Variants in COMMD8 observed in about 807,000 individuals in gnomAD.
COMMD8 encodes COMM domain containing 8.
In COMMD8, 28 loss-of-function variants were observed where a neutral mutation model predicts 27.2. The observed-to-expected ratio is 1.03, with a 90% CI of 0.76 to 1.41. COMMD8 has a LOEUF of 1.41. Ranked by LOEUF, COMMD8 falls within the 40% of genes most tolerant of loss-of-function variation. COMMD8 has a pLI of 0.00. For missense variants in COMMD8, 217 were observed against 211.2 expected (o/e 1.03, Z -0.17); for synonymous variants, 79 against 75.5 (o/e 1.05, Z -0.24).
At chr4:47,456,006 T>C (rs1729876395) in intron 3 of COMMD8, among the ~76,000 whole-genome samples, 2 of 152,044 alleles carry the variant, frequency 1.3e-5, no homozygotes, top group African/African-American at 4.8e-5. Flanking sequence ...AGCACTCTGG[T>C]GGGTGGAGGC....
chr4:47,453,260 C>A, intron 3 of COMMD8, 46 bp from the exon 4 acceptor site: 1 of 1,520,222 alleles, frequency 6.6e-7, no homozygotes, highest in Non-Finnish European at 9.1e-7. Context: ...GTAAAAAGAA[C>A]TATATTGAGT....
intron 3 of COMMD8, among the ~76,000 whole-genome samples, chr4:47,456,155 A>AAG (rs1301251686): frequency 6.6e-6 from 1 of 151,612 alleles, no homozygotes; most frequent in Non-Finnish European, 1.5e-5. Context: ...GCTGAGGCAG[A>AAG]AGAATTGCTT....
intron 3 of COMMD8, among the ~76,000 whole-genome samples, chr4:47,455,314 T>G (rs889523760): frequency 2.0e-5 from 3 of 152,102 alleles, no homozygotes; most frequent in Non-Finnish European, 4.4e-5. Flanking sequence ...CCGTGCCTGG[T>G]CTCCTTTATC....
At chr4:47,458,134 T>C (rs1460925592) in intron 2 of COMMD8, among the ~76,000 whole-genome samples, 2 of 152,058 alleles carry the variant, frequency 1.3e-5, no homozygotes, top group African/African-American at 4.8e-5. Flanking sequence ...AGTCTGATAA[T>C]GGATATCTAT....
chr4:47,455,158 C>G (rs1180945114), intron 3 of COMMD8, among the ~76,000 whole-genome samples: 3 of 151,870 alleles, frequency 2.0e-5, no homozygotes, highest in Admixed American at 1.3e-4. Flanking sequence ...GGACTACAGG[C>G]ACACACCACA....
chr4:47,453,162 AG>A lies in COMMD8; in HGVS notation c.427del (p.Leu143CysfsTer3). 1.9e-6 allele frequency: 3 copies of A among 1,614,076 alleles called. No homozygotes were observed. The highest frequency in any genetic ancestry group is 2.5e-6 in the Non-Finnish European group (3 of 1,179,930). On this transcript the variant is annotated frameshift_variant, in exon 4 of 5. Coordinates refer to ENST00000381571, the MANE Select transcript of COMMD8 (RefSeq NM_017845.5). LOFTEE classifies it high-confidence loss of function. ...IAALRMPLLSLHLDVKENGEV... is the reference protein window; with the variant it reads ...IAALRMPLLSXHLDVKENGEV... ...ACCATTTTCTTTTACATCTAGATGC[AG>A]GCTTAAAAGTGGCATTCGTAATGCA...
intron 1 of COMMD8, among the ~76,000 whole-genome samples, chr4:47,462,040 C>G (rs78776476): frequency 3.3e-5 from 5 of 151,758 alleles, no homozygotes; most frequent in African/African-American, 7.3e-5. Context: ...TTGGGGGGTG[C>G]CTAGGGGGTG....
At position 47,463,667 on chromosome 4, in the gene COMMD8, G is replaced by T. The variant is rs776146790; in HGVS notation, c.-16C>A. On this transcript the variant is annotated 5_prime_UTR_variant, in exon 1 of 5. Coordinates refer to ENST00000381571, the MANE Select transcript of COMMD8 (RefSeq NM_017845.5). ...CCGGCTCCATCCCTGCGCGAAGCTG[G>T]GGCTTGGGTCACGTGTCAAGGCTGG... The T allele has an allele frequency of 1.3e-6, 2 of 1,545,862 alleles. No individual in the cohort carries two copies. Among genetic ancestry groups the T allele is most frequent in the East Asian group, 2.5e-5 (1 of 40,474 alleles).
chr4:47,458,034 T>G (rs1174548492), intron 2 of COMMD8, among the ~76,000 whole-genome samples: 2 of 151,966 alleles, frequency 1.3e-5, no homozygotes, highest in African/African-American at 4.8e-5. Context: ...GAAGAAACAA[T>G]AATAAATTCA....
At chr4:47,457,881 T>C (rs1268373818) in intron 2 of COMMD8, among the ~76,000 whole-genome samples, 1 of 149,532 alleles carries the variant, frequency 6.7e-6, no homozygotes, top group Non-Finnish European at 1.5e-5. Flanking sequence ...CACTCAAATA[T>C]AGATGTAAAA....
At chr4:47,455,701 A>G (rs565759212) in intron 3 of COMMD8, among the ~76,000 whole-genome samples, 1 of 152,284 alleles carries the variant, frequency 6.6e-6, no homozygotes, top group East Asian at 1.9e-4. Flanking sequence ...TACACAATGT[A>G]AGGCACTTTA....
chr4:47,456,065 C>T (rs1489649131), intron 3 of COMMD8, among the ~76,000 whole-genome samples: 1 of 151,582 alleles, frequency 6.6e-6, no homozygotes, highest in Non-Finnish European at 1.5e-5. Flanking sequence ...GCCAAAATGG[C>T]AAAACCCCAA....
intron 1 of COMMD8, among the ~76,000 whole-genome samples, chr4:47,461,520 A>G (rs533965497): frequency 1.4e-5 from 2 of 145,608 alleles, no homozygotes; most frequent in Non-Finnish European, 3.0e-5. Context: ...TCCCCATGCT[A>G]AAAAAAAAAC....
At position 47,460,257 on chromosome 4, in the gene COMMD8, G is replaced by T; in HGVS notation, c.109C>A (p.Pro37Thr). Residue 37 changes from proline to threonine, a missense_variant, in exon 2 of 5, where the codon CCT becomes ACT. By Grantham distance (38) the Pro-to-Thr change is conservative. Coordinates refer to ENST00000381571, the MANE Select transcript of COMMD8 (RefSeq NM_017845.5). Reference sequence around the variant, plus strand: ...ACAGTGTGATAATCTTGGTACACAGGATAAGCTCGACCACAAATGCCATCA... The same window carrying T: ...ACAGTGTGATAATCTTGGTACACAGTATAAGCTCGACCACAAATGCCATCA... ...IIDGICGRAY[P>T]VYQDYHTVWE... The T allele has an allele frequency of 6.2e-7, 1 of 1,612,804 alleles. No individual in the cohort carries two copies. The highest frequency in any genetic ancestry group is 8.5e-7 in the Non-Finnish European group (1 of 1,179,462).
chr4:47,459,684 G>C (rs1729972093), intron 2 of COMMD8, among the ~76,000 whole-genome samples: 1 of 152,058 alleles, frequency 6.6e-6, no homozygotes. Context: ...GTTATACACT[G>C]ACACACCCCA....
In COMMD8 at chr4:47,456,740, A is replaced by G. The variant is rs773222222; in HGVS notation, c.223-11T>C. On this transcript the variant is annotated splice_polypyrimidine_tract_variant and intron_variant, in intron 2 of 4. Coordinates refer to ENST00000381571, the MANE Select transcript of COMMD8 (RefSeq NM_017845.5). ...CAACTGCTGAAATATCTATAAAAATAAAAACAGGCAAAAGGGGCTTTCTGT... is the reference window on the plus strand; with the variant it reads ...CAACTGCTGAAATATCTATAAAAATGAAAACAGGCAAAAGGGGCTTTCTGT... 6.4e-7 allele frequency: 1 copy of G among 1,559,492 alleles called. No homozygotes were observed. Among genetic ancestry groups the G allele is most frequent in the Non-Finnish European group, 8.6e-7 (1 of 1,159,068 alleles).
chr4:47,456,855 A>G, intron 2 of COMMD8, 126 bp from the exon 3 acceptor site: 1 of 669,962 alleles, frequency 1.5e-6, no homozygotes, highest in South Asian at 2.4e-5. Context: ...TAACTATAAA[A>G]AAGAGTAAGA....
rs770088779 is a variant in COMMD8 at position 47,451,684 on chromosome 4, GA to G, written c.532-20del. The G allele has an allele frequency of 9.6e-6, 15 of 1,560,938 alleles. No individual in the cohort carries two copies. The African/African-American group carries it at 1.8e-4, about 19-fold the overall frequency. ...GGACCACCTTAAAACACAAATTGAAGAGAAAATATCAGGTTATACAAGACTG... is the reference window on the plus strand; with the variant it reads ...GGACCACCTTAAAACACAAATTGAAGGAAAATATCAGGTTATACAAGACTG... On this transcript the variant is annotated intron_variant, in intron 4 of 4. Transcript: ENST00000381571.
chr4:47,451,679 T>C lies in COMMD8; in HGVS notation c.532-14A>G, dbSNP rs1378319379. 9 of 1,564,430 alleles carry C rather than the reference T, an allele frequency of 5.8e-6. No homozygotes were observed. The highest frequency in any genetic ancestry group is 2.4e-5 in the East Asian group (1 of 41,798). ...CTGCAGGACCACCTTAAAACACAAA[T>C]TGAAGAGAAAATATCAGGTTATACA... On this transcript the variant is annotated splice_polypyrimidine_tract_variant and intron_variant, in intron 4 of 4. Coordinates refer to ENST00000381571, the MANE Select transcript of COMMD8 (RefSeq NM_017845.5).
Sources: gnomAD v4.1 joint callset for allele counts (sites outside exome capture counted in the v4.1 genomes callset) on GRCh38, gnomAD v4.1.1 for gene constraint, MANE v1.5 for transcripts, NCBI Gene and HGNC (gene_info 2026-07-23, HGNC 2026-07-21) for gene names.